Variants in BRINP3 observed in about 807,000 individuals in gnomAD.
The protein encoded by BRINP3 is BMP/retinoic acid inducible neural specific 3.
BRINP3 carries 19 observed loss-of-function variants against 71.0 expected under a neutral mutation model. That is an observed-to-expected ratio of 0.27 (90% confidence interval 0.19 to 0.39). The LOEUF is 0.39. BRINP3 is among the 10% of genes least tolerant of loss of function. The pLI is 1.00. For synonymous variants in BRINP3, 380 were observed against 337.7 expected (o/e 1.13, Z -1.37); for missense variants, 959 against 940.8 (o/e 1.02, Z -0.25).
At chr1:190,319,882 T>C (rs1409699400) in intron 2 of BRINP3, among the ~76,000 whole-genome samples, 1 of 152,110 alleles carries the variant, frequency 6.6e-6, no homozygotes, top group African/African-American at 2.4e-5. Flanking sequence ...TATATTGTAT[T>C]TATCTTTGCA....
At chr1:190,262,194 G>C (rs1661242596) in intron 4 of BRINP3, among the ~76,000 whole-genome samples, 1 of 152,080 alleles carries the variant, frequency 6.6e-6, no homozygotes, top group Non-Finnish European at 1.5e-5. Flanking sequence ...CTTGAACACA[G>C]CACACAAGCA....
In BRINP3 at chr1:190,097,983, C is replaced by G; in HGVS notation, c.*35G>C. ...GTTCCACAAAAGCACTGTAAAAACT[C>G]CTTCAAGATTTTGGGTTGTGCTTGA... On this transcript the variant is annotated 3_prime_UTR_variant, in exon 8 of 8. Coordinates refer to ENST00000367462, the MANE Select transcript of BRINP3 (RefSeq NM_199051.3). The G allele has an allele frequency of 6.4e-7, 1 of 1,560,326 alleles. No homozygotes were observed. The highest frequency in any genetic ancestry group is 8.6e-7 in the Non-Finnish European group (1 of 1,156,156).
chr1:190,187,734 A>C (rs768278382), intron 6 of BRINP3, among the ~76,000 whole-genome samples: 1 of 151,840 alleles, frequency 6.6e-6, no homozygotes, highest in Non-Finnish European at 1.5e-5. Context: ...CAATTGGTCT[A>C]TTTCCATGCC....
intron 2 of BRINP3, among the ~76,000 whole-genome samples, chr1:190,399,918 T>C (rs1671816955): frequency 6.6e-6 from 1 of 152,018 alleles, no homozygotes; most frequent in Non-Finnish European, 1.5e-5. Context: ...ATCTTAAATT[T>C]ATATAACTAA....
intron 4 of BRINP3, among the ~76,000 whole-genome samples, chr1:190,243,351 A>G (rs1413597502): frequency 1.3e-5 from 2 of 152,010 alleles, no homozygotes; most frequent in Admixed American, 6.6e-5. Context: ...TTTTTTTTAG[A>G]TAACACAGAG....
intron 2 of BRINP3, among the ~76,000 whole-genome samples, chr1:190,310,150 C>G (rs1456969474): frequency 1.3e-5 from 2 of 149,376 alleles, no homozygotes; most frequent in African/African-American, 4.9e-5. Flanking sequence ...ACTGATGTTT[C>G]CCCTTTCAAA....
intron 4 of BRINP3, among the ~76,000 whole-genome samples, chr1:190,249,814 A>G (rs1422080191): frequency 6.6e-6 from 1 of 151,884 alleles, no homozygotes; most frequent in Non-Finnish European, 1.5e-5. Flanking sequence ...AAGACTAATG[A>G]TATATATTAT....
chr1:190,132,057 C>A (rs1476401834), intron 7 of BRINP3, among the ~76,000 whole-genome samples: 1 of 151,966 alleles, frequency 6.6e-6, no homozygotes, highest in East Asian at 1.9e-4. Context: ...ATCTAAGCAT[C>A]AATTTATAAT....
At chr1:190,171,869 G>T (rs779627917) in intron 6 of BRINP3, among the ~76,000 whole-genome samples, 2 of 152,032 alleles carry the variant, frequency 1.3e-5, no homozygotes, top group Non-Finnish European at 2.9e-5. Context: ...CACTTTGGGA[G>T]GCCAAGGCAG....
At chr1:190,473,058 T>C (rs924719350) in intron 1 of BRINP3, among the ~76,000 whole-genome samples, 2 of 151,932 alleles carry the variant, frequency 1.3e-5, no homozygotes, top group Non-Finnish European at 2.9e-5. Flanking sequence ...TGGTATCATG[T>C]CTATTTCATT....
intron 2 of BRINP3, among the ~76,000 whole-genome samples, chr1:190,431,841 G>A (rs1053830046): frequency 6.6e-6 from 1 of 152,008 alleles, no homozygotes; most frequent in Admixed American, 6.6e-5. Flanking sequence ...TAATGCAAAT[G>A]ATATCAATAT....
intron 2 of BRINP3, among the ~76,000 whole-genome samples, chr1:190,406,788 A>G (rs1014601555): frequency 2.0e-5 from 3 of 151,908 alleles, no homozygotes; most frequent in African/African-American, 7.3e-5. Flanking sequence ...TGAATTTCAA[A>G]TAAATAATTA....
At chr1:190,353,379 G>A (rs1322714765) in intron 2 of BRINP3, among the ~76,000 whole-genome samples, 1 of 152,002 alleles carries the variant, frequency 6.6e-6, no homozygotes, top group African/African-American at 2.4e-5. Flanking sequence ...CTAAGTAAAA[G>A]TATGGTTTTT....
chr1:190,474,907 C>T (rs1340322162), intron 1 of BRINP3: 1 of 152,098 alleles, frequency 6.6e-6, no homozygotes, highest in African/African-American at 2.4e-5. Context: ...GCTCCCAGTC[C>T]CAGATCTTCC....
chr1:190,273,924 A>G (rs765549289), intron 3 of BRINP3, among the ~76,000 whole-genome samples: 1 of 151,646 alleles, frequency 6.6e-6, no homozygotes, highest in Non-Finnish European at 1.5e-5. Context: ...GCAAACATGC[A>G]TACATAGTTT....
intron 6 of BRINP3, among the ~76,000 whole-genome samples, chr1:190,208,221 G>C (rs762219167): frequency 6.6e-6 from 1 of 151,868 alleles, no homozygotes; most frequent in South Asian, 2.1e-4. Context: ...GCTGCCCAAA[G>C]TGCTGGCATT....
chr1:190,370,612 G>A (rs894090201), intron 2 of BRINP3, among the ~76,000 whole-genome samples: 2 of 152,186 alleles, frequency 1.3e-5, no homozygotes, highest in African/African-American at 2.4e-5. Context: ...AGACTTATGC[G>A]AAAAGTAGGT....
intron 2 of BRINP3, among the ~76,000 whole-genome samples, chr1:190,413,564 G>A (rs1449100587): frequency 6.6e-6 from 1 of 152,120 alleles, no homozygotes; most frequent in Non-Finnish European, 1.5e-5. Flanking sequence ...GAGATTGGAG[G>A]GATGTGGCCA....
At chr1:190,103,511 G>A (rs144000678) in intron 7 of BRINP3, among the ~76,000 whole-genome samples, 165 of 152,124 alleles carry the variant, frequency 1.1e-3, no homozygotes, top group Admixed American at 2.9e-3. Context: ...TCTAGGAGTA[G>A]GATTCAGGAA....
Sources: gnomAD v4.1 joint callset for allele counts (sites outside exome capture counted in the v4.1 genomes callset) on GRCh38, gnomAD v4.1.1 for gene constraint, MANE v1.5 for transcripts, NCBI Gene and HGNC (gene_info 2026-07-23, HGNC 2026-07-21) for gene names.